Variants in NCS1 observed in about 807,000 individuals in gnomAD.
NCS1 encodes the protein neuronal calcium sensor 1, also known as frequenin homolog.
In NCS1, 6 loss-of-function variants were observed where a neutral mutation model predicts 28.4. The observed-to-expected ratio is 0.21, with a 90% CI of 0.12 to 0.42. The LOEUF is 0.42. NCS1 is among the 10% of genes least tolerant of loss of function. NCS1 has a pLI of 1.00. For synonymous variants in NCS1, 86 were observed against 99.3 expected, an observed-to-expected ratio of 0.87 and a Z score of 0.79; for missense variants, 131 against 241.4, an observed-to-expected ratio of 0.54 and a Z score of 3.03.
intron 1 of NCS1, among the ~76,000 whole-genome samples, chr9:130,195,884 G>A (rs1348152085): frequency 6.6e-6 from 1 of 152,230 alleles, no homozygotes; most frequent in Non-Finnish European, 1.5e-5. Context: ...GCTGTGCAAG[G>A]ACTGCCTGCG....
chr9:130,187,207 T>C (rs1402414689), intron 1 of NCS1, among the ~76,000 whole-genome samples: 1 of 152,044 alleles, frequency 6.6e-6, no homozygotes, highest in Non-Finnish European at 1.5e-5. Context: ...CACCGGCAGG[T>C]ATCCCAGTCA....
At position 130,223,086 on chromosome 9, in the gene NCS1, A is replaced by G. The variant is rs781880573; in HGVS notation, c.401A>G (p.Asn134Ser). The change falls in exon 6 of 8, where the codon AAT becomes AGT. Residue 134 changes from asparagine (N) to serine (S), a missense_variant. Around this residue, in one of 2 missense-constraint regions of NCS1, gnomAD observed 100 missense variants for 210.3 expected, o/e 0.48. Transcript: ENST00000372398. The stretch of plus-strand genomic sequence containing the variant: ...CCGCCTTGTCCGTCCCTGCAGGGGA[A>G]TACCGTGGAGCTCCCAGAGGAGGAG... ...IVDAIYQMVG[N>S]TVELPEEENT... The G allele has an allele frequency of 1.2e-6, 2 of 1,612,536 alleles. No individual in the cohort carries two copies. Among genetic ancestry groups the G allele is most frequent in the Non-Finnish European group, 1.7e-6 (2 of 1,179,068 alleles).
At chr9:130,200,439 G>A in intron 1 of NCS1, 1 of 786,650 alleles carries the variant, frequency 1.3e-6, no homozygotes, top group Non-Finnish European at 2.1e-6. Flanking sequence ...GCTGACCACA[G>A]AGAGGGGCTG....
At chr9:130,223,721 G>A (rs555771832) in intron 6 of NCS1, among the ~76,000 whole-genome samples, 4 of 152,192 alleles carry the variant, frequency 2.6e-5, no homozygotes, top group South Asian at 2.1e-4. Flanking sequence ...GGGGACCGTC[G>A]CCTAGGTTTC....
intron 1 of NCS1, among the ~76,000 whole-genome samples, chr9:130,174,790 C>CAAAAAAAAAAA (rs34473694): frequency 0.018 from 1,631 of 91,240 alleles, 141 homozygotes; most frequent in African/African-American, 0.068. Context: ...ACTCTGTCTC[C>CAAAAAAAAAAA]AAAAAAAAAA....
In NCS1 at chr9:130,226,752, C is replaced by T. The variant is rs1337858405; in HGVS notation, c.*17+248C>T. Among the ~76,000 whole-genome samples, 4 of 152,064 alleles carry T rather than the reference C, an allele frequency of 2.6e-5. No homozygotes were observed. Among genetic ancestry groups the T allele is most frequent in the Non-Finnish European group, 2.9e-5 (2 of 68,014 alleles). On this transcript the variant is annotated intron_variant, in intron 7 of 7. Coordinates refer to ENST00000372398, the MANE Select transcript of NCS1 (RefSeq NM_014286.4). This position sits in a 1 kb window ranked among gnomAD's most constrained non-coding sequence, Gnocchi z 4.8. ...TTTGCTTGAACAGAATTTTTCTGGG[C>T]GCGGTGGCTCACGCCTGTAATCCCA... is the stretch of plus-strand genomic sequence containing the variant.
Position 130,179,504 on chromosome 9 carries a change from T to G in NCS1, c.64+6777T>G, listed in dbSNP as rs148946356. Among the ~76,000 whole-genome samples the G allele has an allele frequency of 5.3e-3, 807 of 152,346 alleles. 4 individuals are homozygous for G. The highest frequency in any genetic ancestry group is 0.018 in the African/African-American group (732 of 41,582). On this transcript the variant is annotated intron_variant, in intron 1 of 7. Coordinates refer to ENST00000372398, the MANE Select transcript of NCS1 (RefSeq NM_014286.4). ...TCTTTGCACTAAATCTTTGCACTTA[T>G]CTTTTCTTGAAGATAAGAACCCAGA... is the stretch of plus-strand genomic sequence containing the variant.
intron 1 of NCS1, among the ~76,000 whole-genome samples, chr9:130,183,311 G>GT (rs1343886092): frequency 5.5e-4 from 83 of 152,104 alleles, no homozygotes; most frequent in African/African-American, 1.9e-3. Flanking sequence ...GCGGCTGGGG[G>GT]GGGGAGCTCC....
intron 1 of NCS1, among the ~76,000 whole-genome samples, chr9:130,182,410 A>G (rs2131118391): frequency 6.6e-6 from 1 of 152,252 alleles, no homozygotes; most frequent in Admixed American, 6.5e-5. Context: ...AGCATCAGAC[A>G]CTGGCCAGGC....
chr9:130,218,093 C>T (rs1554909648), intron 3 of NCS1, 123 bp downstream of exon 3: 6 of 1,250,054 alleles, frequency 4.8e-6, no homozygotes, highest in Non-Finnish European at 6.9e-6. Flanking sequence ...CACACGAGTG[C>T]ATACTGACAT....
chr9:130,236,409 G>A lies in NCS1; in HGVS notation c.*3437G>A, dbSNP rs1833594735. 6.6e-6 allele frequency: 1 copy of A among 152,178 alleles called. No homozygotes were observed. The highest frequency in any genetic ancestry group is 2.1e-4 in the South Asian group (1 of 4,820). The allele number at this position is 152,178 out of a possible 1,614,324, so 9.4% of individuals were successfully genotyped here. ...CGGAGGGAGGCTGGAGCGGGGAGGC[G>A]AGGAGGGGGCTGTGAGTCCTCAGAG... On this transcript the variant is annotated 3_prime_UTR_variant, in exon 8 of 8. Transcript: ENST00000372398.
At chr9:130,196,021 TGGGCC>T (rs1832874195) in intron 1 of NCS1, among the ~76,000 whole-genome samples, 1 of 151,364 alleles carries the variant, frequency 6.6e-6, no homozygotes, top group African/African-American at 2.4e-5. Context: ...AGGGGGAAAA[TGGGCC>T]GGGCTGGGAA....
At chr9:130,218,051 C>T (rs377686208) in intron 3 of NCS1, 81 bp downstream of exon 3, 1 of 1,562,884 alleles carries the variant, frequency 6.4e-7, no homozygotes, top group Non-Finnish European at 8.8e-7. Context: ...CCACTCTCTC[C>T]TGCCGATGTT....
At chr9:130,202,186 A>G (rs990370125) in intron 2 of NCS1, among the ~76,000 whole-genome samples, 3 of 151,844 alleles carry the variant, frequency 2.0e-5, no homozygotes, top group Admixed American at 2.0e-4. Context: ...GGCCCTGTTG[A>G]CCCCTGCAGT....
chr9:130,194,208 A>G (rs1832849583), intron 1 of NCS1, among the ~76,000 whole-genome samples: 2 of 152,194 alleles, frequency 1.3e-5, no homozygotes, highest in Non-Finnish European at 2.9e-5. Flanking sequence ...GGAAATCAAA[A>G]TCAGACTTAA....
At chr9:130,197,689 G>A (rs191824046) in intron 1 of NCS1, among the ~76,000 whole-genome samples, 6 of 152,282 alleles carry the variant, frequency 3.9e-5, no homozygotes, top group African/African-American at 7.2e-5. Flanking sequence ...GTGGCTGGGC[G>A]TGGTGGCTCA....
intron 2 of NCS1, among the ~76,000 whole-genome samples, chr9:130,206,308 C>T (rs1485968821): frequency 2.6e-5 from 4 of 152,174 alleles, no homozygotes; most frequent in African/African-American, 9.7e-5. Context: ...AGGTGAGCAC[C>T]TGCATCCCAA....
In NCS1 at chr9:130,198,604, A is replaced by G. The variant is rs559507811; in HGVS notation, c.65-2354A>G. On this transcript the variant is annotated intron_variant, in intron 1 of 7. Coordinates refer to ENST00000372398, the MANE Select transcript of NCS1 (RefSeq NM_014286.4). The stretch of plus-strand genomic sequence containing the variant: ...AATAAGCAGACCCATTGGAACTTCA[A>G]TTCCTCATTGGGAAAACGGGGTCAC... Among the ~76,000 whole-genome samples the G allele has an allele frequency of 1.1e-3, 173 of 152,288 alleles. 1 individual carries two copies. The highest frequency in any genetic ancestry group is 3.9e-3 in the African/African-American group (164 of 41,556).
rs1486396468 is a variant in NCS1, at chr9:130,232,701, G to A, written c.*18-289G>A. 6.6e-6 allele frequency among the ~76,000 whole-genome samples: 1 copy of A among 152,124 alleles called. No individual in the cohort carries two copies. Among genetic ancestry groups the A allele is most frequent in the Non-Finnish European group, 1.5e-5 (1 of 68,018 alleles). On this transcript the variant is annotated intron_variant, in intron 7 of 7. Transcript: ENST00000372398. The surrounding 1 kb of genome is among the most constrained non-coding windows in gnomAD (Gnocchi z 4.4). ...CTTGGGAGGCTGAGGCAGGAGAATC[G>A]CTTGAACCCAAGAGGTGGAGGTTGC... is the stretch of plus-strand genomic sequence containing the variant.
Sources: gnomAD v4.1 joint callset for allele counts (sites outside exome capture counted in the v4.1 genomes callset) on GRCh38, gnomAD v4.1.1 for gene constraint, gnomAD v4.1.1 regional missense constraint, Gnocchi (gnomAD v3.1) non-coding constraint, MANE v1.5 for transcripts, NCBI Gene and HGNC (gene_info 2026-07-23, HGNC 2026-07-21) for gene names.